ZBTB5: variants seen among roughly 807,000 people sequenced by gnomAD.
The protein encoded by ZBTB5 is zinc finger and BTB domain containing 5.
A neutral mutation model predicts 37.9 loss-of-function variants in ZBTB5; 15 were observed. The observed-to-expected ratio is 0.40, with a 90% CI of 0.26 to 0.61. ZBTB5 has a LOEUF of 0.61. Among genes scored for constraint, ZBTB5 ranks in the 20% least tolerant of loss-of-function variants. The probability of loss-of-function intolerance (pLI) is 0.47; values close to 1 mark genes in which losing one functional copy is unlikely to be tolerated. For synonymous variants in ZBTB5, 315 were observed against 312.4 expected (o/e 1.01, Z -0.09); for missense variants, 708 against 856.8 (o/e 0.83, Z 2.17).
chr9:37,443,308 G>A (rs1355846696), intron 1 of ZBTB5, among the ~76,000 whole-genome samples: 2 of 149,782 alleles, frequency 1.3e-5, no homozygotes, highest in Non-Finnish European at 3.0e-5. Context: ...CAGCCTGGGC[G>A]ACAGAGTGAG....
At position 37,441,866 on chromosome 9, in the gene ZBTB5, C is replaced by A; in HGVS notation, c.686G>T (p.Arg229Leu). Residue 229 changes from arginine (R) to leucine (L), a missense_variant, in exon 2 of 2, where the codon CGG becomes CTG. Coordinates refer to ENST00000307750, the MANE Select transcript of ZBTB5 (RefSeq NM_014872.3). ...AGAATCTGGTGAAAAGAACTCCTCC[C>A]GAGAATGAACCCCTGAAGGCCCATT... ...PENGPSGVHS[R>L]EEFFSPDSLK... 1 of 1,614,148 alleles carries A rather than the reference C, an allele frequency of 6.2e-7. No individual in the cohort carries two copies. The highest frequency in any genetic ancestry group is 8.5e-7 in the Non-Finnish European group (1 of 1,180,032).
At chr9:37,459,916 TAGTC>T (rs1824259647) in intron 1 of ZBTB5, among the ~76,000 whole-genome samples, 1 of 151,162 alleles carries the variant, frequency 6.6e-6, no homozygotes. Flanking sequence ...TTCACCTTGT[TAGTC>T]AGGATGGTCT....
chr9:37,442,602 A>C, intron 1 of ZBTB5, 47 bp from the exon 2 acceptor site: 1 of 1,464,538 alleles, frequency 6.8e-7, no homozygotes, highest in South Asian at 1.3e-5. Flanking sequence ...GAAAAGCTTC[A>C]AAGTCAGAAC....
At chr9:37,450,676 C>A (rs1294270834) in intron 1 of ZBTB5, among the ~76,000 whole-genome samples, 1 of 151,856 alleles carries the variant, frequency 6.6e-6, no homozygotes, top group Admixed American at 6.6e-5. Flanking sequence ...ACCAGCCTGG[C>A]CAGCATGGTG....
At chr9:37,452,502 G>T (rs1052812795) in intron 1 of ZBTB5, among the ~76,000 whole-genome samples, 3 of 152,164 alleles carry the variant, frequency 2.0e-5, no homozygotes. Context: ...TGAATACAAA[G>T]GAGGCTTAGA....
chr9:37,460,603 C>T (rs755630958), intron 1 of ZBTB5, among the ~76,000 whole-genome samples: 6 of 152,236 alleles, frequency 3.9e-5, no homozygotes, highest in East Asian at 1.9e-4. Flanking sequence ...TGGTGGCTCA[C>T]GCCTATAATC....
chr9:37,454,301 G>A (rs1222072468), intron 1 of ZBTB5, among the ~76,000 whole-genome samples: 1 of 152,182 alleles, frequency 6.6e-6, no homozygotes, highest in Non-Finnish European at 1.5e-5. Context: ...CAGTCTAAAA[G>A]CCTTAACAGA....
intron 1 of ZBTB5, among the ~76,000 whole-genome samples, chr9:37,443,260 G>A (rs1216506818): frequency 1.3e-5 from 2 of 151,662 alleles, no homozygotes; most frequent in South Asian, 2.1e-4. Flanking sequence ...CTGAGGAGGC[G>A]GAGGTTGCAG....
At chr9:37,456,041 C>T (rs1404755361) in intron 1 of ZBTB5, among the ~76,000 whole-genome samples, 1 of 151,920 alleles carries the variant, frequency 6.6e-6, no homozygotes. Flanking sequence ...CCTTGACCTC[C>T]CAGGCTCAAG....
At chr9:37,444,878 G>T (rs1012015918) in intron 1 of ZBTB5, among the ~76,000 whole-genome samples, 7 of 152,170 alleles carry the variant, frequency 4.6e-5, no homozygotes, top group Non-Finnish European at 1.0e-4. Context: ...TGAAGCTCCA[G>T]ATGACAACTA....
At chr9:37,451,901 A>G (rs1824111972) in intron 1 of ZBTB5, among the ~76,000 whole-genome samples, 2 of 152,232 alleles carry the variant, frequency 1.3e-5, no homozygotes, top group Non-Finnish European at 1.5e-5. Context: ...CAGAAATGCA[A>G]AAGCCTGAAA....
chr9:37,451,694 AC>A (rs1245079146), intron 1 of ZBTB5, among the ~76,000 whole-genome samples: 1 of 152,000 alleles, frequency 6.6e-6, no homozygotes, highest in Non-Finnish European at 1.5e-5. Context: ...TGTCATTATC[AC>A]CCCCTAAAAA....
intron 1 of ZBTB5, among the ~76,000 whole-genome samples, chr9:37,450,083 A>G (rs1171481360): frequency 6.6e-6 from 1 of 152,154 alleles, no homozygotes; most frequent in Admixed American, 6.6e-5. Flanking sequence ...TAAATCAGAC[A>G]CCACCTCCTC....
intron 1 of ZBTB5, among the ~76,000 whole-genome samples, chr9:37,455,748 G>T (rs537514490): frequency 2.6e-5 from 4 of 152,244 alleles, no homozygotes; most frequent in African/African-American, 7.2e-5. Flanking sequence ...AAAATAACTA[G>T]ACAGAACATT....
rs768042675 is a variant in ZBTB5, at chr9:37,441,974, C to G, written c.578G>C (p.Arg193Pro). The G allele has an allele frequency of 6.2e-7, 1 of 1,613,854 alleles. No homozygotes were observed. Among genetic ancestry groups the G allele is most frequent in the Non-Finnish European group, 8.5e-7 (1 of 1,180,020 alleles). The part of the protein sequence containing the change: ...TPFPMRRLHK[R>P]KQSAEERARQ... ...GGCCCGCTCCTCTGCAGACTGCTTG[C>G]GCTTATGAAGGCGTCTCATGGGGAA... The change falls in exon 2 of 2, where the codon CGC becomes CCC. Residue 193 changes from arginine to proline, a missense_variant. Arg to Pro is a moderately radical substitution (Grantham distance 103). This residue lies in a region of ZBTB5 where 639 missense variants were observed against 690.5 expected (regional missense o/e 0.93). Coordinates refer to ENST00000307750, the MANE Select transcript of ZBTB5 (RefSeq NM_014872.3).
chr9:37,450,958 G>A (rs1824092165), intron 1 of ZBTB5, among the ~76,000 whole-genome samples: 1 of 151,990 alleles, frequency 6.6e-6, no homozygotes. Context: ...TGGTAGTCTT[G>A]GAGAAGAGAA....
rs756605604 is a variant in ZBTB5 at position 37,440,911 on chromosome 9, G to C, written c.1641C>G (p.Ser547=). ...TTTCTGGGATCTGTGAGCTCCTGAC[G>C]GAAGTTACAACTGGCATTTTGGGAG... ...RIAPKMPVVT[S]VRSSQIPENS... The change falls in exon 2 of 2, where the codon TCC becomes TCG. Residue 547 remains serine, a synonymous_variant. Coordinates refer to ENST00000307750, the MANE Select transcript of ZBTB5 (RefSeq NM_014872.3). 6.2e-7 allele frequency: 1 copy of C among 1,614,162 alleles called. No homozygotes were observed. The highest frequency in any genetic ancestry group is 1.3e-5 in the African/African-American group (1 of 75,024).
intron 1 of ZBTB5, among the ~76,000 whole-genome samples, chr9:37,459,176 C>T (rs1824243366): frequency 6.6e-6 from 1 of 152,148 alleles, no homozygotes; most frequent in Admixed American, 6.5e-5. Context: ...AGGGCATGGG[C>T]ATGCCAGCCC....
At chr9:37,460,001 C>T (rs1032199591) in intron 1 of ZBTB5, among the ~76,000 whole-genome samples, 2 of 150,980 alleles carry the variant, frequency 1.3e-5, no homozygotes, top group South Asian at 2.1e-4. Flanking sequence ...TGAGCCACTG[C>T]GCCAGGCCAT....
Sources: gnomAD v4.1 joint callset for allele counts (sites outside exome capture counted in the v4.1 genomes callset) on GRCh38, gnomAD v4.1.1 for gene constraint, gnomAD v4.1.1 regional missense constraint, MANE v1.5 for transcripts, NCBI Gene and HGNC (gene_info 2026-07-23, HGNC 2026-07-21) for gene names.